Variants in GALNTL6 observed in about 807,000 individuals in gnomAD.
The protein encoded by GALNTL6 is polypeptide N-acetylgalactosaminyltransferase like 6.
GALNTL6 carries 46 observed loss-of-function variants against 73.7 expected under a neutral mutation model. The ratio of observed to expected loss-of-function variants is 0.62; its 90% CI spans 0.49 to 0.80. GALNTL6 has a LOEUF of 0.80. Among genes scored for constraint, GALNTL6 ranks in the 30% least tolerant of loss-of-function variants. The pLI, the probability that GALNTL6 is intolerant of heterozygous loss-of-function variation, is 0.00. For missense variants in GALNTL6, 604 were observed against 755.0 expected, an observed-to-expected ratio of 0.80 and a Z score of 2.34; for synonymous variants, 259 against 263.7, an observed-to-expected ratio of 0.98 and a Z score of 0.17.
At chr4:171,954,005 A>G (rs1410767801) in intron 2 of GALNTL6, among the ~76,000 whole-genome samples, 1 of 152,198 alleles carries the variant, frequency 6.6e-6, no homozygotes, top group African/African-American at 2.4e-5. Flanking sequence ...ATCACTGTCT[A>G]GTAAGGTTGA....
intron 6 of GALNTL6, among the ~76,000 whole-genome samples, chr4:172,810,601 G>C (rs190688460): frequency 2.0e-4 from 30 of 152,112 alleles, no homozygotes; most frequent in Non-Finnish European, 2.9e-4. Flanking sequence ...TGTGAGGCGG[G>C]GGGGCGGGGA....
At chr4:172,818,382 G>A (rs1741727133) in intron 7 of GALNTL6, among the ~76,000 whole-genome samples, 1 of 152,108 alleles carries the variant, frequency 6.6e-6, no homozygotes, top group African/African-American at 2.4e-5. Context: ...TTGTGATTGT[G>A]GAGAAATTAT....
chr4:172,574,871 G>C (rs1736901729), intron 5 of GALNTL6, among the ~76,000 whole-genome samples: 1 of 151,892 alleles, frequency 6.6e-6, no homozygotes, highest in African/African-American at 2.4e-5. Context: ...CAACAAATAA[G>C]ATATATTTTT....
intron 9 of GALNTL6, among the ~76,000 whole-genome samples, chr4:172,931,810 C>T (rs969657837): frequency 6.6e-6 from 1 of 152,128 alleles, no homozygotes; most frequent in South Asian, 2.1e-4. Context: ...AGATTTTTTT[C>T]CAATATTGTT....
chr4:172,087,545 A>G (rs537994981), intron 2 of GALNTL6, among the ~76,000 whole-genome samples: 1 of 152,130 alleles, frequency 6.6e-6, no homozygotes, highest in Non-Finnish European at 1.5e-5. Flanking sequence ...TCCGTGTTCC[A>G]CAAACATTGC....
rs150951506 is a variant in GALNTL6, at chr4:172,197,839, G to T, written c.139-31817G>T. 1.2e-3 allele frequency among the ~76,000 whole-genome samples: 178 copies of T among 152,268 alleles called. 3 individuals carry two copies. The East Asian group carries it at 0.029, about 25-fold the overall frequency. On this transcript the variant is annotated intron_variant, in intron 2 of 12. Transcript: ENST00000506823. The stretch of plus-strand genomic sequence containing the variant: ...AAAACCCAAAACTAGGCCGGACGCG[G>T]TGGCTCACACCTGTAATCCCAGCAC...
chr4:171,999,022 C>A (rs1740587250), intron 2 of GALNTL6, among the ~76,000 whole-genome samples: 1 of 152,170 alleles, frequency 6.6e-6, no homozygotes, highest in Non-Finnish European at 1.5e-5. Flanking sequence ...TTTCTTTAAG[C>A]ATGACATAAT....
intron 11 of GALNTL6, among the ~76,000 whole-genome samples, chr4:173,017,475 C>T (rs1752828002): frequency 1.3e-5 from 2 of 152,138 alleles, no homozygotes. Context: ...CTTTGACAAG[C>T]TTGCAGACAG....
At chr4:172,341,648 A>G (rs895894478) in intron 4 of GALNTL6, among the ~76,000 whole-genome samples, 2 of 151,908 alleles carry the variant, frequency 1.3e-5, no homozygotes, top group African/African-American at 4.8e-5. Flanking sequence ...GTATCACGAG[A>G]TCTAATGGTG....
intron 8 of GALNTL6, among the ~76,000 whole-genome samples, chr4:172,918,924 T>C (rs945269488): frequency 2.6e-5 from 4 of 152,202 alleles, no homozygotes; most frequent in African/African-American, 9.7e-5. Context: ...ATTATAAACC[T>C]TCAAGAGTTT....
In GALNTL6 at chr4:172,009,331, G is replaced by A. The variant is rs189920952; in HGVS notation, c.138+194613G>A. Among the ~76,000 whole-genome samples, 792 of 152,156 alleles carry A rather than the reference G, an allele frequency of 5.2e-3. 2 individuals are homozygous for A. The highest frequency in any genetic ancestry group is 8.5e-3 in the Non-Finnish European group (578 of 67,994). On this transcript the variant is annotated intron_variant, in intron 2 of 12. Coordinates refer to ENST00000506823, the MANE Select transcript of GALNTL6 (RefSeq NM_001034845.3). ...TACTTTGCCATAGTTTAAACAGCGT[G>A]TGGGTTGTTGCTCCTAGCCTGGCAT...
intron 5 of GALNTL6, among the ~76,000 whole-genome samples, chr4:172,360,362 A>G (rs1742319395): frequency 6.6e-6 from 1 of 151,892 alleles, no homozygotes; most frequent in Admixed American, 6.6e-5. Flanking sequence ...AGATTCACTT[A>G]ATAATTATTA....
chr4:172,541,667 T>A (rs1735553511), intron 5 of GALNTL6, among the ~76,000 whole-genome samples: 1 of 152,242 alleles, frequency 6.6e-6, no homozygotes, highest in Non-Finnish European at 1.5e-5. Flanking sequence ...TATACGTAGA[T>A]ATGCTTCTTC....
chr4:172,619,111 CTT>C (rs546136225), intron 5 of GALNTL6, among the ~76,000 whole-genome samples: 1 of 151,954 alleles, frequency 6.6e-6, no homozygotes, highest in South Asian at 2.1e-4. Flanking sequence ...GGAGAAGAGT[CTT>C]TTTTTTATTT....
intron 3 of GALNTL6, among the ~76,000 whole-genome samples, chr4:172,257,526 G>C (rs911361123): frequency 1.3e-5 from 2 of 151,396 alleles, no homozygotes; most frequent in African/African-American, 4.8e-5. Flanking sequence ...TTGTGCTCTA[G>C]CTACAAAATT....
At chr4:172,392,623 A>G (rs1743706070) in intron 5 of GALNTL6, among the ~76,000 whole-genome samples, 1 of 152,140 alleles carries the variant, frequency 6.6e-6, no homozygotes, top group African/African-American at 2.4e-5. Context: ...TTTTTCTTGG[A>G]GAGAAAAACA....
chr4:172,367,656 G>T lies in GALNTL6; in HGVS notation c.553+18967G>T, dbSNP rs78343467. Among the ~76,000 whole-genome samples, 524 of 152,214 alleles carry T rather than the reference G, an allele frequency of 3.4e-3. 2 individuals carry two copies. The highest frequency in any genetic ancestry group is 0.012 in the African/African-American group (486 of 41,522). On this transcript the variant is annotated intron_variant, in intron 5 of 12. Transcript: ENST00000506823. Reference sequence around the variant, plus strand: ...CTAGTTTTTGGAATATCTCAGTTCTGTCATCTATCAGAAATTAGGGTAGGA... The same window carrying T: ...CTAGTTTTTGGAATATCTCAGTTCTTTCATCTATCAGAAATTAGGGTAGGA...
intron 7 of GALNTL6, among the ~76,000 whole-genome samples, chr4:172,863,845 G>A (rs1437551766): frequency 6.6e-6 from 1 of 152,160 alleles, no homozygotes; most frequent in East Asian, 1.9e-4. Context: ...GTTTGGCTGT[G>A]TCCCCACCCA....
At chr4:172,724,026 A>T (rs1735652191) in intron 5 of GALNTL6, among the ~76,000 whole-genome samples, 1 of 152,148 alleles carries the variant, frequency 6.6e-6, no homozygotes, top group Non-Finnish European at 1.5e-5. Flanking sequence ...ATGTCAGGAA[A>T]CCATGTGAAA....
Sources: allele counts gnomAD v4.1 joint callset (sites outside exome capture counted in the v4.1 genomes callset), GRCh38; gene constraint gnomAD v4.1.1; transcripts MANE v1.5; gene names NCBI Gene and HGNC (gene_info 2026-07-23, HGNC 2026-07-21).